KAT6B: variants seen among roughly 807,000 people sequenced by gnomAD.
KAT6B encodes the protein lysine acetyltransferase 6B.
A neutral mutation model predicts 187.5 loss-of-function variants in KAT6B; 10 were observed. The observed-to-expected ratio is 0.05, with a 90% CI of 0.03 to 0.09. The LOEUF (loss-of-function observed/expected upper bound fraction) is 0.09. KAT6B is among the 10% of genes least tolerant of loss of function. KAT6B has a pLI of 1.00. For synonymous variants in KAT6B, 861 were observed against 926.8 expected (o/e 0.93, Z 1.29); for missense variants, 1,952 against 2,558.9 (o/e 0.76, Z 5.12).
At chr10:74,873,511 C>CTGTG (rs1435672185) in intron 3 of KAT6B, among the ~76,000 whole-genome samples, 5 of 151,844 alleles carry the variant, frequency 3.3e-5, no homozygotes, top group African/African-American at 1.2e-4. Flanking sequence ...ACCGAGGCTG[C>CTGTG]TGTGTGGCCA....
At chr10:74,971,172 C>G (rs1841827355) in intron 6 of KAT6B, among the ~76,000 whole-genome samples, 2 of 152,154 alleles carry the variant, frequency 1.3e-5, no homozygotes, top group South Asian at 2.1e-4. Flanking sequence ...TAAATGAACT[C>G]TAATTTATTT....
Position 74,969,712 on chromosome 10 carries a change from C to G in KAT6B, c.783C>G (p.Ala261=). The G allele has an allele frequency of 1.9e-6, 3 of 1,614,050 alleles. No individual in the cohort carries two copies. Among genetic ancestry groups the G allele is most frequent in the Non-Finnish European group, 2.5e-6 (3 of 1,179,940 alleles). The change falls in exon 5 of 18, where the codon GCC becomes GCG. Residue 261 remains alanine, a synonymous_variant. Coordinates refer to ENST00000287239, the MANE Select transcript of KAT6B (RefSeq NM_012330.4). The part of the protein sequence containing the change: ...FCPELTTNVK[A]LRWQCIECKT... ...CTGAATTAACAACAAATGTAAAGGC[C>G]TTAAGGTGGCAGTGCATCGAATGCA...
intron 13 of KAT6B, among the ~76,000 whole-genome samples, chr10:75,009,959 C>G (rs1564619374): frequency 6.6e-6 from 1 of 152,182 alleles, no homozygotes; most frequent in Non-Finnish European, 1.5e-5. Flanking sequence ...CGAGATCATG[C>G]CATTGCACTC....
At chr10:75,017,856 A>G (rs1845092192) in intron 13 of KAT6B, among the ~76,000 whole-genome samples, 1 of 152,254 alleles carries the variant, frequency 6.6e-6, no homozygotes, top group Non-Finnish European at 1.5e-5. Context: ...TTTAACTAGT[A>G]AGGAATCAGA....
chr10:74,884,966 G>A (rs547754022), intron 3 of KAT6B, among the ~76,000 whole-genome samples: 1 of 152,264 alleles, frequency 6.6e-6, no homozygotes, highest in South Asian at 2.1e-4. Flanking sequence ...AATATGGTCT[G>A]GTAACCACCA....
At chr10:74,968,530 G>C (rs994128405) in intron 4 of KAT6B, among the ~76,000 whole-genome samples, 6 of 152,004 alleles carry the variant, frequency 3.9e-5, no homozygotes, top group Non-Finnish European at 8.8e-5. Context: ...GGACCTTTTT[G>C]GCAGCAATCC....
chr10:74,943,654 A>G (rs1167067312), intron 3 of KAT6B, among the ~76,000 whole-genome samples: 1 of 152,186 alleles, frequency 6.6e-6, no homozygotes, highest in African/African-American at 2.4e-5. Flanking sequence ...TATACTAAAA[A>G]TGGTGTATAG....
At chr10:74,848,767 T>C (rs560258049) in intron 3 of KAT6B, among the ~76,000 whole-genome samples, 1 of 152,194 alleles carries the variant, frequency 6.6e-6, no homozygotes, top group Non-Finnish European at 1.5e-5. Context: ...TGTCGACCTA[T>C]GATGATTCTT....
chr10:74,901,255 C>T (rs1468647703), intron 3 of KAT6B, among the ~76,000 whole-genome samples: 1 of 152,202 alleles, frequency 6.6e-6, no homozygotes, highest in Non-Finnish European at 1.5e-5. Context: ...GGCTTAACTT[C>T]ACGGAGGTTT....
intron 3 of KAT6B, among the ~76,000 whole-genome samples, chr10:74,882,392 G>C (rs1749992709): frequency 6.6e-6 from 1 of 152,150 alleles, no homozygotes; most frequent in African/African-American, 2.4e-5. Context: ...ACTCATTCCT[G>C]TGCCTATCAG....
chr10:75,016,188 A>C (rs1210392189), intron 13 of KAT6B, among the ~76,000 whole-genome samples: 1 of 152,132 alleles, frequency 6.6e-6, no homozygotes, highest in Non-Finnish European at 1.5e-5. Context: ...ACATGAGATA[A>C]CTCTCTACCA....
At chr10:74,880,922 TAC>T (rs1844804892) in intron 3 of KAT6B, among the ~76,000 whole-genome samples, 1 of 139,234 alleles carries the variant, frequency 7.2e-6, no homozygotes, top group African/African-American at 3.2e-5. Flanking sequence ...GGCCTTATCT[TAC>T]TCTCTCTTTT....
intron 3 of KAT6B, among the ~76,000 whole-genome samples, chr10:74,921,357 G>A (rs186136295): frequency 1.2e-4 from 19 of 152,110 alleles, no homozygotes; most frequent in East Asian, 9.7e-4. Flanking sequence ...CAGGTGATCC[G>A]CCTGCCTTGA....
intron 13 of KAT6B, among the ~76,000 whole-genome samples, chr10:75,007,712 T>C (rs1423679174): frequency 6.6e-6 from 1 of 152,204 alleles, no homozygotes; most frequent in African/African-American, 2.4e-5. Flanking sequence ...TTTTTTGTCA[T>C]TTTATGTATC....
chr10:74,977,298 G>A lies in KAT6B; in HGVS notation c.1994-18G>A, dbSNP rs767618662. The A allele has an allele frequency of 2.5e-6, 4 of 1,611,008 alleles. No individual in the cohort carries two copies. In the Admixed American group the frequency reaches 6.7e-5, roughly 27 times the overall value. The stretch of plus-strand genomic sequence containing the variant: ...ATTCAAGTCAGTGAATACACTTTCT[G>A]CTGGTTTTAAATGACAGATACTGAA... On this transcript the variant is annotated intron_variant, in intron 8 of 17. Coordinates refer to ENST00000287239, the MANE Select transcript of KAT6B (RefSeq NM_012330.4).
intron 13 of KAT6B, chr10:75,003,289 G>C (rs1238306129): frequency 6.6e-6 from 1 of 152,180 alleles, no homozygotes; most frequent in Non-Finnish European, 1.5e-5. Context: ...TTCATTTCTT[G>C]ATTGCATTTA....
intron 3 of KAT6B, among the ~76,000 whole-genome samples, chr10:74,908,030 TC>T (rs1846904178): frequency 6.6e-6 from 1 of 152,194 alleles, no homozygotes; most frequent in African/African-American, 2.4e-5. Context: ...ACTAATCCAT[TC>T]ATGGATTACT....
rs575400376 is a variant in KAT6B at position 74,895,960 on chromosome 10, G to T, written c.621+52482G>T. Among the ~76,000 whole-genome samples the T allele has an allele frequency of 3.6e-3, 540 of 150,610 alleles. 2 individuals are homozygous for T. Among genetic ancestry groups the T allele is most frequent in the Middle Eastern group, 0.014 (4 of 292 alleles). ...CTTTTTTGTTGTTGTTGTTGTTGTT[G>T]TTTTTTTTTGCCTGAAATATGGGAT... On this transcript the variant is annotated intron_variant, in intron 3 of 17. Transcript: ENST00000287239.
chr10:74,882,525 C>T (rs897892517), intron 3 of KAT6B, among the ~76,000 whole-genome samples: 1 of 152,166 alleles, frequency 6.6e-6, no homozygotes, highest in African/African-American at 2.4e-5. Context: ...GTTGTTTCAC[C>T]TTGTGAATAC....
Sources: gnomAD v4.1 joint callset for allele counts (sites outside exome capture counted in the v4.1 genomes callset) on GRCh38, gnomAD v4.1.1 for gene constraint, MANE v1.5 for transcripts, NCBI Gene and HGNC (gene_info 2026-07-23, HGNC 2026-07-21) for gene names.